VPS53: variants seen among roughly 807,000 people sequenced by gnomAD.
VPS53 encodes the protein vacuolar protein sorting-associated protein 53 homolog.
Under a neutral mutation model 107.0 loss-of-function variants are expected in VPS53, and 70 were observed. That is an observed-to-expected ratio of 0.65 (90% CI 0.54 to 0.80). The LOEUF is 0.80. Among genes scored for constraint, VPS53 ranks in the 30% least tolerant of loss-of-function variants. VPS53 has a pLI of 0.00. For missense variants in VPS53, 917 were observed against 1,049.4 expected, an observed-to-expected ratio of 0.87 and a Z score of 1.74; for synonymous variants, 409 against 393.3, an observed-to-expected ratio of 1.04 and a Z score of -0.47.
At chr17:559,954 G>A (rs1398305193) in intron 15 of VPS53, among the ~76,000 whole-genome samples, 1 of 152,190 alleles carries the variant, frequency 6.6e-6, no homozygotes, top group African/African-American at 2.4e-5. Context: ...CCCAAACAAT[G>A]GCTATTTGTT....
chr17:639,847 A>G (rs1029396785), intron 7 of VPS53, among the ~76,000 whole-genome samples: 5 of 150,510 alleles, frequency 3.3e-5, no homozygotes, highest in Admixed American at 1.3e-4. Context: ...CTCGGGGGTC[A>G]GGGACCCACT....
At chr17:571,557 TCTCCCTCTCTTTCC>T (rs1567636825) in intron 13 of VPS53, among the ~76,000 whole-genome samples, 7 of 142,876 alleles carry the variant, frequency 4.9e-5, no homozygotes, top group African/African-American at 2.0e-4. Flanking sequence ...ACGGTCTCCC[TCTCCCTCTCTTTCC>T]ACGGTCTCCC....
intron 12 of VPS53, among the ~76,000 whole-genome samples, chr17:590,527 C>T (rs1325189738): frequency 5.9e-5 from 9 of 152,066 alleles, no homozygotes; most frequent in South Asian, 2.1e-4. Context: ...TCATAGATAG[C>T]GCTTATGATT....
intron 19 of VPS53, among the ~76,000 whole-genome samples, chr17:525,035 T>C (rs78063761): frequency 0.024 from 3,697 of 152,278 alleles, 54 homozygotes; most frequent in East Asian, 0.069. Flanking sequence ...TACACGTCCA[T>C]TGACAGTGGA....
chr17:520,018 C>T lies in VPS53; in HGVS notation c.2224-88G>A. ...AGCGGGCCCTCAAGAAAACTCACTA[C>T]CCACCGCAGGAGGAGACGGGAGCGG... is the stretch of plus-strand genomic sequence containing the variant. On this transcript the variant is annotated intron_variant, in intron 20 of 21. Coordinates refer to ENST00000437048, the MANE Select transcript of VPS53 (RefSeq NM_001128159.3). The surrounding 1 kb of genome is among the most constrained non-coding windows in gnomAD (Gnocchi z 4.4). 1.1e-6 allele frequency: 1 copy of T among 899,174 alleles called. No homozygotes were observed. Among genetic ancestry groups the T allele is most frequent in the South Asian group, 1.5e-5 (1 of 67,870 alleles). 55.7% of individuals were successfully genotyped at this position (899,174 alleles called of 1,614,324 possible). A position where few individuals can be genotyped will look rare whatever the true frequency, so the allele number is the denominator to read the frequency against.
chr17:597,010 TC>T (rs1307239252), intron 12 of VPS53, among the ~76,000 whole-genome samples: 2 of 152,312 alleles, frequency 1.3e-5, no homozygotes, highest in East Asian at 3.9e-4. Context: ...GAAGGGACAT[TC>T]CTTATTTCTG....
At chr17:698,444 A>AG (rs1487820808) in intron 3 of VPS53, among the ~76,000 whole-genome samples, 1 of 151,924 alleles carries the variant, frequency 6.6e-6, no homozygotes, top group Non-Finnish European at 1.5e-5. Flanking sequence ...AAAAAAAAAA[A>AG]AAAAAATCTA....
At chr17:687,608 T>C (rs965327900) in intron 4 of VPS53, among the ~76,000 whole-genome samples, 3 of 149,302 alleles carry the variant, frequency 2.0e-5, no homozygotes, top group African/African-American at 4.9e-5. Context: ...CATGGTGGCA[T>C]GTGCCTGTGG....
intron 14 of VPS53, among the ~76,000 whole-genome samples, chr17:561,556 T>C (rs1912989164): frequency 6.6e-6 from 1 of 152,224 alleles, no homozygotes; most frequent in Admixed American, 6.5e-5. Flanking sequence ...ACATTAGGTA[T>C]CTATCAAGAA....
chr17:570,506 A>G (rs914046843), intron 13 of VPS53, among the ~76,000 whole-genome samples: 1 of 152,170 alleles, frequency 6.6e-6, no homozygotes, highest in Non-Finnish European at 1.5e-5. Flanking sequence ...AGGAAACATC[A>G]GACAAACCCA....
chr17:509,582 A>T lies in VPS53; in HGVS notation c.*9546T>A, dbSNP rs1049293276. 6.2e-6 allele frequency: 1 copy of T among 161,186 alleles called. No individual in the cohort carries two copies. Among genetic ancestry groups the T allele is most frequent in the Non-Finnish European group, 1.3e-5 (1 of 75,912 alleles). 10.0% of individuals were successfully genotyped at this position (161,186 alleles called of 1,614,324 possible). On this transcript the variant is annotated 3_prime_UTR_variant, in exon 22 of 22. Coordinates refer to ENST00000437048, the MANE Select transcript of VPS53 (RefSeq NM_001128159.3). ...TCCTGGCTCACTCCTCACTACTCAC[A>T]TATCGAATCCTGGCTCACCCCTCAC...
chr17:659,471 C>T (rs770915484), intron 5 of VPS53, among the ~76,000 whole-genome samples: 6 of 151,986 alleles, frequency 3.9e-5, no homozygotes, highest in Admixed American at 6.6e-5. Context: ...AGTAGAGACA[C>T]GGTTTTGCCA....
At chr17:565,403 C>CAAAAAAAA (rs535932031) in intron 13 of VPS53, among the ~76,000 whole-genome samples, 12 of 82,500 alleles carry the variant, frequency 1.5e-4, no homozygotes, top group Non-Finnish European at 2.0e-4. Context: ...AACCCCATCT[C>CAAAAAAAA]AAAAAAAAAA....
intron 12 of VPS53, among the ~76,000 whole-genome samples, chr17:598,695 G>T (rs548929365): frequency 1.2e-4 from 13 of 112,836 alleles, no homozygotes; most frequent in East Asian, 4.4e-4. Context: ...CGGCCGCCCC[G>T]TCTGAGAAGT....
chr17:572,326 G>T (rs1296337489), intron 13 of VPS53, among the ~76,000 whole-genome samples: 1 of 151,248 alleles, frequency 6.6e-6, no homozygotes, highest in Non-Finnish European at 1.5e-5. Context: ...CGTCTGAGAA[G>T]TGAGGAGCCC....
chr17:657,089 G>T, intron 5 of VPS53: 1 of 1,024,900 alleles, frequency 9.8e-7, no homozygotes, highest in Non-Finnish European at 1.6e-6. Flanking sequence ...CATCTTGCCA[G>T]TCTCCAAATC....
At chr17:648,248 T>A (rs1016338159) in intron 7 of VPS53, among the ~76,000 whole-genome samples, 1 of 152,100 alleles carries the variant, frequency 6.6e-6, no homozygotes, top group Non-Finnish European at 1.5e-5. Context: ...TAATAGAGAA[T>A]GTCAAAAATA....
intron 15 of VPS53, among the ~76,000 whole-genome samples, chr17:554,750 T>C (rs1213232807): frequency 6.6e-6 from 1 of 152,206 alleles, no homozygotes; most frequent in East Asian, 1.9e-4. Context: ...GTCTTAAATT[T>C]GAAAATGCTG....
intron 4 of VPS53, among the ~76,000 whole-genome samples, chr17:663,029 G>T (rs1971537595): frequency 6.6e-6 from 1 of 151,596 alleles, no homozygotes; most frequent in Non-Finnish European, 1.5e-5. Flanking sequence ...AACATGGCAA[G>T]ACTCGGTCTC....
Sources: gnomAD v4.1 joint callset for allele counts (sites outside exome capture counted in the v4.1 genomes callset) on GRCh38, gnomAD v4.1.1 for gene constraint, Gnocchi (gnomAD v3.1) non-coding constraint, MANE v1.5 for transcripts, NCBI Gene and HGNC (gene_info 2026-07-23, HGNC 2026-07-21) for gene names.